DDHD2: variants seen among roughly 807,000 people sequenced by gnomAD.
DDHD2 encodes triacylglycerol hydrolase DDHD2.
In DDHD2, 62 loss-of-function variants were observed where a neutral mutation model predicts 91.2. That is an observed-to-expected ratio of 0.68 (90% CI 0.55 to 0.84). The LOEUF is 0.84. DDHD2 is among the 40% of genes least tolerant of loss of function. The pLI, the probability that DDHD2 is intolerant of heterozygous loss-of-function variation, is 0.00. For missense variants in DDHD2, 740 were observed against 846.9 expected (o/e 0.87, Z 1.57); for synonymous variants, 271 against 293.9 (o/e 0.92, Z 0.80).
Position 38,246,256 on chromosome 8 carries a change from C to G in DDHD2, c.1081C>G (p.Leu361Val). 2 of 1,608,548 alleles carry G rather than the reference C, an allele frequency of 1.2e-6. No homozygotes were observed. The highest frequency in any genetic ancestry group is 2.7e-5 in the African/African-American group (2 of 74,890). ...AGGTTCGCTTATATTGTTTGATATC[C>G]TAACAAATCAGAAAGATTCTTTGGG... is the stretch of plus-strand genomic sequence containing the variant. ...SLGSLILFDI[L>V]TNQKDSLGDI... The change falls in exon 9 of 18, where the codon CTA becomes GTA. Residue 361 changes from leucine (L) to valine (V), a missense_variant. Around this residue, in one of 2 missense-constraint regions of DDHD2, gnomAD observed 693 missense variants for 764.2 expected, o/e 0.91. Transcript: ENST00000397166.
In DDHD2 at chr8:38,249,393, C is replaced by T. The variant is rs569522276; in HGVS notation, c.1249-315C>T. Among the ~76,000 whole-genome samples the T allele has an allele frequency of 4.9e-4, 74 of 151,730 alleles. 1 individual carries two copies. The highest frequency in any genetic ancestry group is 2.5e-3 in the South Asian group (12 of 4,802). On this transcript the variant is annotated intron_variant, in intron 10 of 17. Coordinates refer to ENST00000397166, the MANE Select transcript of DDHD2 (RefSeq NM_015214.3). The stretch of plus-strand genomic sequence containing the variant: ...CTGGGATTACAGGCGTGAGCCACCG[C>T]GCCTGGCCAGAAATCAAGGAAGATT...
At chr8:38,260,374 A>C in intron 17 of DDHD2, 1 of 338,132 alleles carries the variant, frequency 3.0e-6, no homozygotes, top group East Asian at 4.8e-5. Context: ...ATTTTGTCCA[A>C]TGACACCTGT....
At chr8:38,256,042 T>C (rs1274208357) in intron 16 of DDHD2, among the ~76,000 whole-genome samples, 1 of 152,242 alleles carries the variant, frequency 6.6e-6, no homozygotes, top group African/African-American at 2.4e-5. Context: ...TACAATATAC[T>C]GTACATATTA....
rs759142001 is a variant in DDHD2 at position 38,267,894 on chromosome 8, T to TA, written n.88-3227dup. 5 of 1,613,950 alleles carry TA rather than the reference T, an allele frequency of 3.1e-6. No individual in the cohort carries two copies. In the South Asian group the frequency reaches 4.4e-5, roughly 14 times the overall value. On this transcript the variant is annotated intron_variant and non_coding_transcript_variant, in intron 1 of 1. Coordinates refer to the DDHD2 transcript ENST00000526071. ...GCTGGGGTGGTTAGCTGTTGTCACT[T>TA]ACCTCCCTACGATCAGTTTTATTGT... is the stretch of plus-strand genomic sequence containing the variant.
intron 1 of DDHD2, chr8:38,268,709 C>T: frequency 7.0e-7 from 1 of 1,432,890 alleles, no homozygotes; most frequent in Non-Finnish European, 9.1e-7. Context: ...CTCGGACACC[C>T]TCCTCTCTCA....
intron 1 of DDHD2, chr8:38,269,222 G>A: frequency 6.7e-7 from 1 of 1,484,758 alleles, no homozygotes; most frequent in Non-Finnish European, 8.9e-7. Flanking sequence ...TCCGAGCGAC[G>A]CTGCGCTGAC....
chr8:38,253,731 T>C lies in DDHD2; in HGVS notation c.2054+13T>C, dbSNP rs768953372. On this transcript the variant is annotated intron_variant, in intron 16 of 17. Transcript: ENST00000397166. ...ATCTATGCTACTGGTAAATGTTGTT[T>C]ATTTTTGTCTGTTTTGTTTGTTTAC... The C allele has an allele frequency of 1.1e-5, 18 of 1,610,968 alleles. No homozygotes were observed. Among genetic ancestry groups the C allele is most frequent in the Non-Finnish European group, 1.4e-5 (16 of 1,178,596 alleles).
intron 1 of DDHD2, chr8:38,268,476 CA>C: frequency 6.4e-7 from 1 of 1,558,944 alleles, no homozygotes; most frequent in Non-Finnish European, 8.7e-7. Context: ...ATCAGAATGT[CA>C]GAGGTTAAAA....
At chr8:38,257,521 T>G (rs931255731) in intron 16 of DDHD2, among the ~76,000 whole-genome samples, 1 of 151,810 alleles carries the variant, frequency 6.6e-6, no homozygotes, top group Non-Finnish European at 1.5e-5. Flanking sequence ...AGTGCTGGGA[T>G]TACAGGCATG....
In DDHD2 at chr8:38,245,727, T is replaced by C; in HGVS notation, c.849-15T>C. ...TATTTAGGTTTCCTGCTTATATTAT[T>C]TTTCCTTTTTTCAGAGATCTGCAGC... On this transcript the variant is annotated splice_polypyrimidine_tract_variant and intron_variant, in intron 7 of 17. Transcript: ENST00000397166. The C allele has an allele frequency of 6.2e-7, 1 of 1,612,260 alleles. No homozygotes were observed. Among genetic ancestry groups the C allele is most frequent in the South Asian group, 1.1e-5 (1 of 91,052 alleles).
chr8:38,268,225 G>T (rs1808011648), intron 1 of DDHD2: 1 of 1,050,332 alleles, frequency 9.5e-7, no homozygotes, highest in Non-Finnish European at 1.3e-6. Context: ...AGTCCCTGCA[G>T]TGCTATTTTC....
At chr8:38,268,460 A>G in intron 1 of DDHD2, 1 of 1,568,810 alleles carries the variant, frequency 6.4e-7, no homozygotes. Flanking sequence ...AAATGCAATA[A>G]CCTGAATCAG....
rs114381812 is a variant in DDHD2, at chr8:38,253,429, T to C, written c.1892-127T>C. The C allele has an allele frequency of 8.6e-4, 729 of 852,128 alleles. 2 individuals carry two copies. The African/African-American group carries it at 0.011, about 13-fold the overall frequency. 52.8% of individuals were successfully genotyped at this position (852,128 alleles called of 1,614,324 possible). A position where few individuals can be genotyped will look rare whatever the true frequency, so the allele number is the denominator to read the frequency against. ...TTGAAGGAGATTGAGAGGAGGAAGA[T>C]GGGAGAGAGCTCTCTGAACAGAGAG... On this transcript the variant is annotated intron_variant, in intron 15 of 17. Coordinates refer to ENST00000397166, the MANE Select transcript of DDHD2 (RefSeq NM_015214.3).
intron 3 of DDHD2, among the ~76,000 whole-genome samples, chr8:38,234,927 C>G (rs1049832137): frequency 2.6e-5 from 4 of 151,964 alleles, no homozygotes; most frequent in African/African-American, 7.3e-5. Flanking sequence ...GCCACCACAC[C>G]TGGCTAATTT....
At chr8:38,266,265 C>T, downstream of DDHD2, 2 of 1,613,708 alleles carry the variant, frequency 1.2e-6, no homozygotes, top group Non-Finnish European at 1.7e-6. Context: ...AGCAGTGTAA[C>T]TTCCCTGCCA....
At position 38,240,363 on chromosome 8, in the gene DDHD2, T is replaced by C. The variant is rs1805157318; in HGVS notation, c.711T>C (p.Cys237=). The C allele has an allele frequency of 5.6e-6, 9 of 1,596,998 alleles. No individual in the cohort carries two copies. Among genetic ancestry groups the C allele is most frequent in the Non-Finnish European group, 7.7e-6 (9 of 1,167,056 alleles). ...CDLRFRSIVQ[C]VNDFRSVSLN... Reference sequence around the variant, plus strand: ...TCCGCTTTCGAAGCATTGTACAGTGTGGTAGGTTTGCAAAGCATGTGAGAG... The same window carrying C: ...TCCGCTTTCGAAGCATTGTACAGTGCGGTAGGTTTGCAAAGCATGTGAGAG... The change falls in exon 6 of 18, where the codon TGT becomes TGC. Residue 237 remains cysteine, a splice_region_variant and synonymous_variant. Transcript: ENST00000397166.
At chr8:38,267,989 A>T (rs1407428461) in intron 1 of DDHD2, 1 of 1,613,946 alleles carries the variant, frequency 6.2e-7, no homozygotes, top group Non-Finnish European at 8.5e-7. Context: ...AGTTGAAAGG[A>T]TCTGTCTAGG....
chr8:38,234,623 T>A, intron 3 of DDHD2, 39 bp downstream of exon 3: 8 of 1,470,682 alleles, frequency 5.4e-6, no homozygotes, highest in Non-Finnish European at 7.4e-6. Flanking sequence ...TCTTTCTTTC[T>A]CTTATTTAAT....
In DDHD2 at chr8:38,238,226, A is replaced by G. The variant is rs201041235; in HGVS notation, c.622+17A>G. On this transcript the variant is annotated intron_variant, in intron 5 of 17. Transcript: ENST00000397166. Reference sequence around the variant, plus strand: ...TTCATTGTGGTAATGTTAATCGTTTATTTTTTCTTACCTTTGGATGTATTT... The same window carrying G: ...TTCATTGTGGTAATGTTAATCGTTTGTTTTTTCTTACCTTTGGATGTATTT... 2.5e-5 allele frequency: 40 copies of G among 1,612,570 alleles called. 1 individual carries two copies. In the South Asian group the frequency reaches 3.0e-4, roughly 12 times the overall value.
Sources: allele counts gnomAD v4.1 joint callset (sites outside exome capture counted in the v4.1 genomes callset), GRCh38; gene constraint gnomAD v4.1.1; regional missense constraint gnomAD v4.1.1; transcripts MANE v1.5; gene names NCBI Gene and HGNC (gene_info 2026-07-23, HGNC 2026-07-21).